ARHGAP32: variants seen among roughly 807,000 people sequenced by gnomAD.
ARHGAP32 encodes rho GTPase-activating protein 32.
A neutral mutation model predicts 186.5 loss-of-function variants in ARHGAP32; 51 were observed. The observed-to-expected ratio is 0.27, with a 90% CI of 0.22 to 0.35. ARHGAP32 has a LOEUF of 0.35. Ranked by LOEUF, ARHGAP32 falls within the 10% of genes least tolerant of loss-of-function variation. ARHGAP32 has a pLI of 1.00. For missense variants in ARHGAP32, 2,186 were observed against 2,623.5 expected (o/e 0.83, Z 3.64); for synonymous variants, 950 against 964.3 (o/e 0.99, Z 0.27).
chr11:129,029,732 G>A lies in ARHGAP32; in HGVS notation c.1045+11196C>T, dbSNP rs563577424. 5.4e-5 allele frequency among the ~76,000 whole-genome samples: 8 copies of A among 149,400 alleles called. No homozygotes were observed. The South Asian group carries it at 1.5e-3, about 28-fold the overall frequency. ...CAGGAGAATGGCGTGAACCCGGGAG[G>A]CGGAGCTTGCAGTGAGCCGAGATCG... On this transcript the variant is annotated intron_variant, in intron 11 of 22. Transcript: ENST00000682385.
chr11:129,134,026 T>C (rs972752310), intron 2 of ARHGAP32, among the ~76,000 whole-genome samples: 1 of 152,142 alleles, frequency 6.6e-6, no homozygotes, highest in African/African-American at 2.4e-5. Context: ...TACATTCTAC[T>C]TGAAGTATAA....
At position 128,974,400 on chromosome 11, in the gene ARHGAP32, C is replaced by A. The variant is rs772781594; in HGVS notation, c.2797G>T (p.Val933Leu). The A allele has an allele frequency of 1.9e-6, 3 of 1,614,106 alleles. No individual in the cohort carries two copies. Among genetic ancestry groups the A allele is most frequent in the Non-Finnish European group, 2.5e-6 (3 of 1,179,992 alleles). Residue 933 changes from valine (V) to leucine (L), a missense_variant, in exon 21 of 23, where the codon GTG (valine) becomes TTG (leucine). By Grantham distance (32) the Val-to-Leu change is conservative. This residue lies in a region of ARHGAP32 where 1,502 missense variants were observed against 1,570.0 expected (regional missense o/e 0.96). Coordinates refer to ENST00000682385, the MANE Select transcript of ARHGAP32 (RefSeq NM_001378024.1). The part of the protein sequence containing the change: ...EPISVTLPPR[V>L]SEVIGTVSNT... Reference sequence around the variant, plus strand: ...GAGACTGTACCAATGACTTCTGACACCCGTGGTGGTAGGGTCACTGAAATT... The same window carrying A: ...GAGACTGTACCAATGACTTCTGACAACCGTGGTGGTAGGGTCACTGAAATT...
chr11:129,270,495 CTTT>C (rs1022801857), intron 1 of ARHGAP32, among the ~76,000 whole-genome samples: 1 of 145,838 alleles, frequency 6.9e-6, no homozygotes, highest in South Asian at 2.2e-4. Flanking sequence ...AAGAGTCAGT[CTTT>C]TTTTTTTTTC....
intron 6 of ARHGAP32, among the ~76,000 whole-genome samples, chr11:129,073,926 A>G (rs922728256): frequency 6.6e-6 from 1 of 152,198 alleles, no homozygotes; most frequent in African/African-American, 2.4e-5. Context: ...AGAAGAGAGT[A>G]GAGTAAATGT....
At chr11:129,188,251 C>T (rs992834874) in intron 1 of ARHGAP32, among the ~76,000 whole-genome samples, 6 of 152,244 alleles carry the variant, frequency 3.9e-5, no homozygotes, top group African/African-American at 1.4e-4. Flanking sequence ...CCACCATGCC[C>T]AGCCTCAGTT....
intron 12 of ARHGAP32, among the ~76,000 whole-genome samples, chr11:128,988,953 T>C (rs1339112063): frequency 6.6e-6 from 1 of 152,218 alleles, no homozygotes; most frequent in Non-Finnish European, 1.5e-5. Flanking sequence ...TTACAGACTT[T>C]AGTATGATCA....
At chr11:128,988,261 C>A in intron 12 of ARHGAP32, 136 bp from the exon 13 acceptor site, 1 of 606,210 alleles carries the variant, frequency 1.6e-6, no homozygotes, top group African/African-American at 1.8e-5. Context: ...AAAAATTAAT[C>A]CACTACAAAA....
rs112836873 is a variant in ARHGAP32, at chr11:129,211,329, G to A, written c.-4-46902C>T. ...TAGTATATGATGGTTACAACCACAA[G>A]ATTTCTCAGAAATGTATCACAATTA... On this transcript the variant is annotated intron_variant, in intron 1 of 6. Transcript: ENST00000525234. 1.8e-4 allele frequency among the ~76,000 whole-genome samples: 27 copies of A among 152,180 alleles called. 2 individuals are homozygous for A. Among genetic ancestry groups the A allele is most frequent in the African/African-American group, 6.3e-4 (26 of 41,518 alleles).
At position 129,221,531 on chromosome 11, in the gene ARHGAP32, GTGTT is replaced by G. The variant is rs869038353; in HGVS notation, c.-4-57108_-4-57105del. On this transcript the variant is annotated intron_variant, in intron 1 of 6. Coordinates refer to the ARHGAP32 transcript ENST00000525234. ...TGTGTGTGTGTGTGTGTGTGTGTGTGTGTTTATGGTAAAAATTCATAGGCAGCAG... is the reference window on the plus strand; with the variant it reads ...TGTGTGTGTGTGTGTGTGTGTGTGTGTATGGTAAAAATTCATAGGCAGCAG... 4.6e-3 allele frequency among the ~76,000 whole-genome samples: 382 copies of G among 82,516 alleles called. 4 individuals are homozygous for G. The highest frequency in any genetic ancestry group is 0.012 in the Middle Eastern group (2 of 168). 54.1% of individuals were successfully genotyped at this position (82,516 alleles called of 152,430 possible).
At chr11:129,110,992 T>C (rs925542594) in intron 5 of ARHGAP32, among the ~76,000 whole-genome samples, 1 of 152,194 alleles carries the variant, frequency 6.6e-6, no homozygotes, top group African/African-American at 2.4e-5. Context: ...GTTGGCATCC[T>C]TGTCTTGTTT....
intron 5 of ARHGAP32, among the ~76,000 whole-genome samples, chr11:129,100,034 C>T (rs1941848057): frequency 6.6e-6 from 1 of 152,184 alleles, no homozygotes; most frequent in South Asian, 2.1e-4. Flanking sequence ...GCCTCTGAAA[C>T]CCTGGCAGGC....
chr11:129,210,193 ACTTTAAACTACTATTAG>A (rs1944562510), intron 1 of ARHGAP32, among the ~76,000 whole-genome samples: 1 of 152,206 alleles, frequency 6.6e-6, no homozygotes, highest in African/African-American at 2.4e-5. Context: ...GAAGACAAAC[ACTTTAAACTACTATTAG>A]CATTTACCGG....
chr11:129,233,549 C>T (rs1268145252), intron 1 of ARHGAP32, among the ~76,000 whole-genome samples: 2 of 151,662 alleles, frequency 1.3e-5, no homozygotes, highest in African/African-American at 4.8e-5. Flanking sequence ...TTTCGGATGC[C>T]TTAGAGAAGT....
chr11:129,133,276 A>G (rs1330837883), intron 2 of ARHGAP32, among the ~76,000 whole-genome samples: 1 of 152,232 alleles, frequency 6.6e-6, no homozygotes, highest in African/African-American at 2.4e-5. Context: ...TAGATAGCTA[A>G]CGGACAATAT....
intron 1 of ARHGAP32, among the ~76,000 whole-genome samples, chr11:129,224,768 CAAAAA>C (rs57944399): frequency 1.9e-5 from 2 of 104,300 alleles, no homozygotes; most frequent in Non-Finnish European, 3.7e-5. Context: ...TTGGCTAGAG[CAAAAA>C]AAAAAAAAAA....
intron 1 of ARHGAP32, among the ~76,000 whole-genome samples, chr11:129,243,738 C>T (rs759375842): frequency 2.6e-5 from 4 of 152,126 alleles, no homozygotes; most frequent in Non-Finnish European, 5.9e-5. Context: ...TGTCTTTGTT[C>T]ATGTGCCCCA....
intron 1 of ARHGAP32, among the ~76,000 whole-genome samples, chr11:129,267,017 T>C (rs748185897): frequency 2.6e-5 from 4 of 152,126 alleles, no homozygotes; most frequent in African/African-American, 9.7e-5. Context: ...GACACGCACA[T>C]GCAAACTTCA....
At chr11:129,220,889 C>G (rs1277859268) in intron 1 of ARHGAP32, among the ~76,000 whole-genome samples, 1 of 152,130 alleles carries the variant, frequency 6.6e-6, no homozygotes, top group East Asian at 1.9e-4. Context: ...GTTCTGAAGT[C>G]TAACTACACA....
chr11:129,054,017 T>G (rs1205076218), intron 10 of ARHGAP32, among the ~76,000 whole-genome samples: 3 of 152,020 alleles, frequency 2.0e-5, no homozygotes, highest in Non-Finnish European at 2.9e-5. Context: ...GAAATAAAGA[T>G]GATTTCTCTA....
Sources: gnomAD v4.1 joint callset for allele counts (sites outside exome capture counted in the v4.1 genomes callset) on GRCh38, gnomAD v4.1.1 for gene constraint, gnomAD v4.1.1 regional missense constraint, MANE v1.5 for transcripts, NCBI Gene and HGNC (gene_info 2026-07-23, HGNC 2026-07-21) for gene names.